Variants in USP54 observed in about 807,000 individuals in gnomAD.
The protein encoded by USP54 is ubiquitin specific peptidase 54.
A neutral mutation model predicts 170.5 loss-of-function variants in USP54; 87 were observed. That is an observed-to-expected ratio of 0.51 (90% confidence interval 0.43 to 0.61). The LOEUF (loss-of-function observed/expected upper bound fraction) is 0.61, where lower values mean the gene tolerates loss of function less well. Among genes scored for constraint, USP54 ranks in the 20% least tolerant of loss-of-function variants. The probability of loss-of-function intolerance (pLI) is 0.00; values close to 1 mark genes in which losing one functional copy is unlikely to be tolerated. For synonymous variants in USP54, 655 were observed against 742.8 expected (o/e 0.88, Z 1.92); for missense variants, 1,786 against 2,047.8 (o/e 0.87, Z 2.47).
At chr10:73,507,032 G>T (rs1409535269) in intron 20 of USP54, 1 of 151,946 alleles carries the variant, frequency 6.6e-6, no homozygotes, top group Non-Finnish European at 1.5e-5. Context: ...ACCAGATATT[G>T]TCCAGCCACT....
intron 4 of USP54, among the ~76,000 whole-genome samples, chr10:73,569,862 G>A (rs2074688255): frequency 8.8e-6 from 1 of 113,656 alleles, no homozygotes; most frequent in South Asian, 3.1e-4. Flanking sequence ...GAGCCCAGGA[G>A]TTCAAGACTA....
At chr10:73,553,201 T>C (rs1243687282) in intron 4 of USP54, 1 of 152,194 alleles carries the variant, frequency 6.6e-6, no homozygotes, top group Non-Finnish European at 1.5e-5. Flanking sequence ...CTCCACAATA[T>C]AATCTTTTCT....
chr10:73,563,504 C>T (rs2073556046), intron 4 of USP54, among the ~76,000 whole-genome samples: 1 of 151,988 alleles, frequency 6.6e-6, no homozygotes, highest in South Asian at 2.1e-4. Flanking sequence ...ATGGCACGAT[C>T]TCAGCTCACC....
chr10:73,537,281 C>A (rs1411008735), intron 10 of USP54, among the ~76,000 whole-genome samples: 1 of 152,012 alleles, frequency 6.6e-6, no homozygotes, highest in Non-Finnish European at 1.5e-5. Context: ...AACCCTAAAT[C>A]TAAAAGAACT....
intron 20 of USP54, among the ~76,000 whole-genome samples, chr10:73,511,749 C>CT (rs202088100): frequency 0.047 from 6,737 of 143,596 alleles, 456 homozygotes; most frequent in African/African-American, 0.15. Flanking sequence ...TATATTTTTT[C>CT]TTTTTTTTTT....
At chr10:73,563,686 C>T (rs1192115113) in intron 4 of USP54, among the ~76,000 whole-genome samples, 1 of 152,202 alleles carries the variant, frequency 6.6e-6, no homozygotes, top group African/African-American at 2.4e-5. Context: ...ATCTGCCCGC[C>T]TCGGCCTCCC....
At chr10:73,560,775 G>A (rs920594314) in intron 4 of USP54, among the ~76,000 whole-genome samples, 3 of 150,966 alleles carry the variant, frequency 2.0e-5, no homozygotes, top group Non-Finnish European at 4.4e-5. Context: ...GAAGAAAAAT[G>A]GAAGGCAACT....
At chr10:73,523,541 G>T in intron 17 of USP54, 42 bp downstream of exon 17, 2 of 1,513,046 alleles carry the variant, frequency 1.3e-6, no homozygotes, top group Admixed American at 1.9e-5. Flanking sequence ...TACCCTTTCT[G>T]TCTGTCCCCA....
At position 73,545,582 on chromosome 10, in the gene USP54, G is replaced by C. The variant is rs144497064; in HGVS notation, c.331C>G (p.Gln111Glu). ...TCCATAATTCCCAGCTGGAAACGTT[G>C]TTCATCCTGGAAAGTCTTTGCCAGA... The part of the protein sequence containing the change: ...SALAKTFQDE[Q>E]RFQLGIMDDA... The change falls in exon 5 of 24, where the codon CAA (glutamine) becomes GAA (glutamate). Residue 111 changes from glutamine (Q) to glutamate (E), a missense_variant. Gln to Glu is a conservative substitution (Grantham distance 29). Coordinates refer to ENST00000687698, the MANE Select transcript of USP54 (RefSeq NM_001391956.1). 1.9e-3 allele frequency: 3,060 copies of C among 1,614,166 alleles called. 12 individuals carry two copies. Among genetic ancestry groups the C allele is most frequent in the Non-Finnish European group, 2.3e-3 (2,657 of 1,180,016 alleles).
chr10:73,526,547 T>G (rs2062901855), intron 16 of USP54, 100 bp downstream of exon 16: 4 of 1,539,298 alleles, frequency 2.6e-6, no homozygotes, highest in Non-Finnish European at 3.5e-6. Flanking sequence ...GCGCCCGGCC[T>G]GTAACTGTCC....
At position 73,530,477 on chromosome 10, in the gene USP54, T is replaced by C. The variant is rs2063754969; in HGVS notation, c.1494A>G (p.Pro498=). The part of the protein sequence containing the change: ...EKQAPRNASK[P]SSSTNRLRDF... ...CTCTCAGCCTGTTGGTGCTGCTGGA[T>C]GGTTTGGAGGCATTTCTAGGAGCCT... The change falls in exon 14 of 24, where the codon CCA becomes CCG. Residue 498 remains proline, a synonymous_variant. Transcript: ENST00000687698. The C allele has an allele frequency of 6.2e-7, 1 of 1,613,828 alleles. No homozygotes were observed. The highest frequency in any genetic ancestry group is 1.3e-5 in the African/African-American group (1 of 74,918).
intron 3 of USP54, among the ~76,000 whole-genome samples, chr10:73,574,339 T>G (rs1057383877): frequency 6.6e-6 from 1 of 152,094 alleles, no homozygotes; most frequent in African/African-American, 2.4e-5. Flanking sequence ...AGGAGATAAG[T>G]TGGACAAAGA....
At chr10:73,552,412 CA>C (rs77565476) in intron 4 of USP54, among the ~76,000 whole-genome samples, 448 of 95,380 alleles carry the variant, frequency 4.7e-3, no homozygotes, top group African/African-American at 8.2e-3. Flanking sequence ...GGCTCCATCT[CA>C]AAAAAAAAAA....
At chr10:73,520,133 T>C (rs2061676264) in intron 18 of USP54, 141 bp from the exon 19 acceptor site, 2 of 1,225,548 alleles carry the variant, frequency 1.6e-6, no homozygotes, top group Non-Finnish European at 2.2e-6. Flanking sequence ...GGACCATGCA[T>C]ATGCTGTCCA....
At chr10:73,520,777 C>T (rs568628979) in intron 18 of USP54, 131 bp downstream of exon 18, 22 of 1,310,292 alleles carry the variant, frequency 1.7e-5, no homozygotes, top group African/African-American at 4.4e-5. Flanking sequence ...ACAGCTAACG[C>T]GACTCAGTTT....
chr10:73,549,289 C>T (rs1036247054), intron 4 of USP54, among the ~76,000 whole-genome samples: 4 of 152,168 alleles, frequency 2.6e-5, no homozygotes, highest in South Asian at 2.1e-4. Context: ...CCCAAAATTA[C>T]ACTAACAGCC....
At chr10:73,512,614 GGCCTCAAGTGATTTTCCT>G (rs1350427888) in intron 20 of USP54, among the ~76,000 whole-genome samples, 1 of 151,988 alleles carries the variant, frequency 6.6e-6, no homozygotes, top group Non-Finnish European at 1.5e-5. Context: ...TGAAGCTCCT[GGCCTCAAGTGATTTTCCT>G]GCCTCAGTCT....
chr10:73,576,811 CA>C (rs1228188725), intron 1 of USP54, among the ~76,000 whole-genome samples: 2 of 152,162 alleles, frequency 1.3e-5, no homozygotes, highest in African/African-American at 2.4e-5. Context: ...GCCATGTTAG[CA>C]GTCTAAGATC....
intron 3 of USP54, 35 bp downstream of exon 3, chr10:73,575,477 T>C: frequency 1.9e-6 from 3 of 1,562,828 alleles, no homozygotes; most frequent in Non-Finnish European, 2.6e-6. Context: ...CAATTAAAAG[T>C]CAAAGTTCAC....
Sources: allele counts gnomAD v4.1 joint callset (sites outside exome capture counted in the v4.1 genomes callset), GRCh38; gene constraint gnomAD v4.1.1; transcripts MANE v1.5; gene names NCBI Gene and HGNC (gene_info 2026-07-23, HGNC 2026-07-21).